CDH18: variants seen among roughly 807,000 people sequenced by gnomAD.
The protein encoded by CDH18 is cadherin 18, also known as cadherin-18.
In CDH18, 31 loss-of-function variants were observed where a neutral mutation model predicts 67.9. The ratio of observed to expected loss-of-function variants is 0.46; its 90% CI spans 0.34 to 0.62. The LOEUF (loss-of-function observed/expected upper bound fraction) is 0.62, where lower values mean the gene tolerates loss of function less well. CDH18 is among the 20% of genes least tolerant of loss of function. The pLI, the probability that CDH18 is intolerant of heterozygous loss-of-function variation, is 0.01. For missense variants in CDH18, 890 were observed against 975.5 expected (o/e 0.91, Z 1.17); for synonymous variants, 362 against 347.2 (o/e 1.04, Z -0.48).
At chr5:20,156,148 T>G (rs1392896719) in intron 2 of CDH18, among the ~76,000 whole-genome samples, 1 of 152,086 alleles carries the variant, frequency 6.6e-6, no homozygotes, top group African/African-American at 2.4e-5. Context: ...TGTAAATTAG[T>G]ACATCCTCTA....
intron 3 of CDH18, among the ~76,000 whole-genome samples, chr5:19,819,377 A>C (rs1779616480): frequency 6.6e-6 from 1 of 152,194 alleles, no homozygotes; most frequent in African/African-American, 2.4e-5. Flanking sequence ...CCAACAAGAG[A>C]AGCTAAAATA....
At chr5:19,990,785 G>A (rs76982057), upstream of CDH18, among the ~76,000 whole-genome samples, 15,144 of 146,234 alleles carry the variant, frequency 0.1, 1,037 homozygotes, top group East Asian at 0.39. Flanking sequence ...CAAAAGAAAA[G>A]AAGAAGAAGA....
At chr5:20,081,262 A>T (rs1580194494) in intron 2 of CDH18, among the ~76,000 whole-genome samples, 1 of 152,312 alleles carries the variant, frequency 6.6e-6, no homozygotes, top group East Asian at 1.9e-4. Context: ...ATGTTTATTT[A>T]CAAAAATATG....
rs1472381127 is a variant in CDH18, at chr5:19,886,868, A to G, written c.-256-47626T>C. On this transcript the variant is annotated intron_variant, in intron 2 of 12. Coordinates refer to ENST00000382275, the MANE Select transcript of CDH18 (RefSeq NM_004934.5). ...ATGATATACTATTCTTTTTGTGTGG[A>G]TTCATTCATTCATCATTGTGTGTGT... 2.0e-5 allele frequency among the ~76,000 whole-genome samples: 3 copies of G among 152,262 alleles called. No homozygotes were observed. In the East Asian group the frequency reaches 5.8e-4, roughly 29 times the overall value.
intron 1 of CDH18, among the ~76,000 whole-genome samples, chr5:20,511,030 T>A (rs766468368): frequency 4.1e-4 from 63 of 152,260 alleles, no homozygotes; most frequent in Middle Eastern, 3.4e-3. Context: ...CCACCAGCAT[T>A]AATTCTAAAT....
At chr5:20,060,886 T>C (rs896060787) in intron 2 of CDH18, among the ~76,000 whole-genome samples, 5 of 152,078 alleles carry the variant, frequency 3.3e-5, no homozygotes, top group Non-Finnish European at 4.4e-5. Flanking sequence ...AACCTGCTTT[T>C]TATATGATTG....
intron 2 of CDH18, among the ~76,000 whole-genome samples, chr5:20,217,829 A>G (rs1265669765): frequency 6.6e-6 from 1 of 151,952 alleles, no homozygotes; most frequent in Non-Finnish European, 1.5e-5. Flanking sequence ...CAGATATTCC[A>G]TGAAAACAGA....
chr5:19,578,247 A>T (rs1399569419), intron 7 of CDH18, among the ~76,000 whole-genome samples: 1 of 152,172 alleles, frequency 6.6e-6, no homozygotes, highest in Non-Finnish European at 1.5e-5. Flanking sequence ...CTTTCTTTTC[A>T]GTGTGTTGAA....
chr5:20,040,651 T>C (rs961890684), intron 2 of CDH18, among the ~76,000 whole-genome samples: 1 of 152,166 alleles, frequency 6.6e-6, no homozygotes, highest in African/African-American at 2.4e-5. Context: ...TATTGCTTGT[T>C]GTTCATTCAA....
At chr5:19,862,460 G>A (rs1429765915) in intron 2 of CDH18, among the ~76,000 whole-genome samples, 6 of 152,204 alleles carry the variant, frequency 3.9e-5, no homozygotes, top group South Asian at 2.1e-4. Context: ...ACAAACATAC[G>A]ATTCAAAGCC....
intron 2 of CDH18, among the ~76,000 whole-genome samples, chr5:20,242,665 C>A (rs1324960736): frequency 2.4e-5 from 1 of 42,182 alleles, no homozygotes; most frequent in African/African-American, 1.3e-4. Flanking sequence ...AATGGACTAG[C>A]TATCCAAGAA....
rs577785208 is a variant in CDH18 at position 19,942,813 on chromosome 5, C to G, written c.-257+38247G>C. Among the ~76,000 whole-genome samples the G allele has an allele frequency of 6.6e-5, 10 of 152,170 alleles. 1 individual carries two copies. In the East Asian group the frequency reaches 9.7e-4, roughly 15 times the overall value. ...ATGAGGCAAACCTCAGGAGCATAGC[C>G]CCTGTCAAGAAATGCCCCGACTCTC... On this transcript the variant is annotated intron_variant, in intron 2 of 12. Transcript: ENST00000382275.
At chr5:20,411,438 T>A (rs1746765466) in intron 1 of CDH18, among the ~76,000 whole-genome samples, 1 of 151,702 alleles carries the variant, frequency 6.6e-6, no homozygotes, top group African/African-American at 2.4e-5. Context: ...CACACAAAAA[T>A]CAACAAAAAT....
intron 2 of CDH18, among the ~76,000 whole-genome samples, chr5:19,907,794 T>C (rs945199471): frequency 1.3e-5 from 2 of 152,100 alleles, no homozygotes; most frequent in South Asian, 2.1e-4. Flanking sequence ...CTGTAGTTAA[T>C]TTACTTAGTG....
intron 2 of CDH18, among the ~76,000 whole-genome samples, chr5:20,111,426 C>G (rs1328202133): frequency 6.6e-6 from 1 of 152,082 alleles, no homozygotes; most frequent in African/African-American, 2.4e-5. Context: ...TATTTGCAAG[C>G]CCCTTGTGCA....
intron 2 of CDH18, among the ~76,000 whole-genome samples, chr5:20,254,609 ACT>A (rs1213608682): frequency 6.6e-6 from 1 of 152,054 alleles, no homozygotes; most frequent in African/African-American, 2.4e-5. Context: ...TGGCTACCAC[ACT>A]CGCGACAGAT....
At chr5:19,504,091 T>G (rs1332271254) in intron 10 of CDH18, among the ~76,000 whole-genome samples, 1 of 152,100 alleles carries the variant, frequency 6.6e-6, no homozygotes, top group African/African-American at 2.4e-5. Flanking sequence ...CAGTTAAAAC[T>G]TAAATTTCTC....
chr5:19,828,346 A>G (rs1179001899), intron 3 of CDH18, among the ~76,000 whole-genome samples: 2 of 151,320 alleles, frequency 1.3e-5, no homozygotes, highest in African/African-American at 2.5e-5. Context: ...AGAAGGATGG[A>G]CTTCTCCCTA....
At chr5:19,538,346 G>GT (rs1013757069) in intron 9 of CDH18, among the ~76,000 whole-genome samples, 18 of 152,006 alleles carry the variant, frequency 1.2e-4, no homozygotes, top group African/African-American at 4.3e-4. Flanking sequence ...CCAAACAGCT[G>GT]TATTATAGAT....
Sources: gnomAD v4.1 joint callset for allele counts (sites outside exome capture counted in the v4.1 genomes callset) on GRCh38, gnomAD v4.1.1 for gene constraint, MANE v1.5 for transcripts, NCBI Gene and HGNC (gene_info 2026-07-23, HGNC 2026-07-21) for gene names.